The following APOBEC3H variants were observed in gnomAD, a reference collection of about 807,000 sequenced individuals.
APOBEC3H encodes apolipoprotein B mRNA editing enzyme catalytic subunit 3H.
Under a neutral mutation model 21.2 loss-of-function variants are expected in APOBEC3H, and 8 were observed. The observed-to-expected ratio is 0.38, with a 90% confidence interval of 0.22 to 0.68. The LOEUF (loss-of-function observed/expected upper bound fraction) is 0.68, where lower values mean the gene tolerates loss of function less well. Ranked by LOEUF, APOBEC3H falls within the 30% of genes least tolerant of loss-of-function variation. The probability of loss-of-function intolerance (pLI) is 0.52; values close to 1 mark genes in which losing one functional copy is unlikely to be tolerated. For missense variants in APOBEC3H, 229 were observed against 228.1 expected (o/e 1.00, Z -0.03); for synonymous variants, 88 against 91.0 (o/e 0.97, Z 0.19).
intron 4 of APOBEC3H, 98 bp downstream of exon 4, chr22:39,102,140 T>C: frequency 6.8e-7 from 1 of 1,476,352 alleles, no homozygotes; most frequent in Non-Finnish European, 9.0e-7. Flanking sequence ...CCCCTACCTT[T>C]TTTTCTTTTC....
rs1299634102 is a variant in APOBEC3H at position 39,101,648 on chromosome 22, GGTTGGAGGAGGT to G, written c.418+145_418+156del. On this transcript the variant is annotated intron_variant, in intron 3 of 4. Transcript: ENST00000442487. ...AGGAGGTTGGCGGGGGGTGGGGGCGGGTTGGAGGAGGTTGGCGGGGGGCGGGGGCGGGTTGGA... is the reference window on the plus strand; with the variant it reads ...AGGAGGTTGGCGGGGGGTGGGGGCGGTGGCGGGGGGCGGGGGCGGGTTGGA... 206 of 100,784 alleles carry G rather than the reference GGTTGGAGGAGGT, an allele frequency of 2.0e-3. 12 individuals are homozygous for G. Among genetic ancestry groups the G allele is most frequent in the African/African-American group, 5.8e-3 (21 of 3,642 alleles). The allele number at this position is 100,784 out of a possible 1,614,324, so 6.2% of individuals were successfully genotyped here.
intron 1 of APOBEC3H, among the ~76,000 whole-genome samples, chr22:39,098,876 G>A (rs67079788): frequency 0.057 from 8,626 of 152,182 alleles, 410 homozygotes; most frequent in African/African-American, 0.12. Flanking sequence ...TCAGGCCCTC[G>A]GGGAGACAGG....
At chr22:39,099,519 C>A (rs1569092305) in intron 1 of APOBEC3H, among the ~76,000 whole-genome samples, 2 of 152,146 alleles carry the variant, frequency 1.3e-5, no homozygotes, top group African/African-American at 2.4e-5. Context: ...GGGTGTCCAA[C>A]TGCAGCTGGA....
chr22:39,102,145 C>G, intron 4 of APOBEC3H, 103 bp downstream of exon 4: 1 of 1,373,488 alleles, frequency 7.3e-7, no homozygotes, highest in Non-Finnish European at 9.6e-7. Context: ...ACCTTTTTTT[C>G]TTTTCTTTTC....
chr22:39,102,137 CT>C (rs1929404030), intron 4 of APOBEC3H, 95 bp downstream of exon 4: 15 of 1,478,690 alleles, frequency 1.0e-5, no homozygotes, highest in African/African-American at 7.1e-5. Flanking sequence ...TTACCCCTAC[CT>C]TTTTTTCTTT....
At chr22:39,099,314 T>A (rs535807016) in intron 1 of APOBEC3H, among the ~76,000 whole-genome samples, 1 of 152,322 alleles carries the variant, frequency 6.6e-6, no homozygotes, top group South Asian at 2.1e-4. Flanking sequence ...CAAAAATGTG[T>A]CACAACACTC....
At chr22:39,101,855 A>G in intron 3 of APOBEC3H, 63 bp from the exon 4 acceptor site, 2 of 1,612,048 alleles carry the variant, frequency 1.2e-6, no homozygotes, top group Admixed American at 1.7e-5. Context: ...GAAAGGAAGC[A>G]AGAGCTCCTG....
rs1017260874 is a variant in APOBEC3H at position 39,102,555 on chromosome 22, G to A, written c.543+513G>A. On this transcript the variant is annotated intron_variant, in intron 4 of 4. Transcript: ENST00000442487. ...CAGGGTCGTTACATGGATATATTGT[G>A]TGATGCTGAGGTCTGAGTCACCCAA... 4.3e-5 allele frequency: 31 copies of A among 718,288 alleles called. No homozygotes were observed. The East Asian group carries it at 8.3e-4, about 19-fold the overall frequency. The allele number at this position is 718,288 out of a possible 1,614,324, so 44.5% of individuals were successfully genotyped here.
chr22:39,103,862 C>T lies in APOBEC3H; in HGVS notation c.*165C>T, dbSNP rs1016776766. On this transcript the variant is annotated 3_prime_UTR_variant, in exon 5 of 5. Coordinates refer to ENST00000442487, the MANE Select transcript of APOBEC3H (RefSeq NM_181773.5). Reference sequence around the variant, plus strand: ...TAAGCTCCACAGTGCCAGTTCCTTGCCCCAACCTGGCCCCATCCAAGTACA... The same window carrying T: ...TAAGCTCCACAGTGCCAGTTCCTTGTCCCAACCTGGCCCCATCCAAGTACA... The T allele has an allele frequency of 3.5e-6, 3 of 861,164 alleles. No individual in the cohort carries two copies. The highest frequency in any genetic ancestry group is 1.7e-5 in the African/African-American group (1 of 60,330). The allele number at this position is 861,164 out of a possible 1,614,324, so 53.3% of individuals were successfully genotyped here.
At chr22:39,102,860 G>A (rs1929449466) in intron 4 of APOBEC3H, among the ~76,000 whole-genome samples, 1 of 151,600 alleles carries the variant, frequency 6.6e-6, no homozygotes, top group Admixed American at 6.6e-5. Flanking sequence ...TACTCAGGAG[G>A]CTGAGGCGGG....
rs770746587 is a variant in APOBEC3H, at chr22:39,101,484, T to A, written c.398T>A (p.Val133Glu). The A allele has an allele frequency of 1.3e-6, 2 of 1,574,238 alleles. No individual in the cohort carries two copies. The highest frequency in any genetic ancestry group is 8.6e-7 in the Non-Finnish European group (1 of 1,160,030). The change falls in exon 3 of 5, where the codon GTG (valine) becomes GAG (glutamate). Residue 133 changes from valine (V) to glutamate (E), a missense_variant. Coordinates refer to ENST00000442487, the MANE Select transcript of APOBEC3H (RefSeq NM_181773.5). Reference protein sequence around the residue: ...LRLLCGSQVPVEVMGFPEFAD... With the variant: ...LRLLCGSQVPEEVMGFPEFAD... ...CTTCTGTGTGGATCCCAGGTCCCGG[T>A]GGAGGTCATGGGCTTCCCAGGTAGG...
rs895726439 is a variant in APOBEC3H, at chr22:39,097,247, T to C, written c.-104T>C. On this transcript the variant is annotated 5_prime_UTR_variant, in exon 1 of 5. Transcript: ENST00000442487. ...TGTGACTTTTGGGAGAGCTGACCTT[T>C]TGTGACTTTTGGGAGAGCTGCCAAA... is the stretch of plus-strand genomic sequence containing the variant. The C allele has an allele frequency of 3.3e-5, 5 of 151,810 alleles. No homozygotes were observed. Among genetic ancestry groups the C allele is most frequent in the South Asian group, 2.1e-4 (1 of 4,816 alleles). 9.4% of individuals were successfully genotyped at this position (151,810 alleles called of 1,614,324 possible). A position where few individuals can be genotyped will look rare whatever the true frequency, so the allele number is the denominator to read the frequency against.
Sources: gnomAD v4.1 joint callset for allele counts (sites outside exome capture counted in the v4.1 genomes callset) on GRCh38, gnomAD v4.1.1 for gene constraint, MANE v1.5 for transcripts, NCBI Gene and HGNC (gene_info 2026-07-23, HGNC 2026-07-21) for gene names.